The following CPVL variants were observed in gnomAD, a reference collection of about 807,000 sequenced individuals.
CPVL encodes probable serine carboxypeptidase CPVL.
Under a neutral mutation model 63.7 loss-of-function variants are expected in CPVL, and 51 were observed. That is an observed-to-expected ratio of 0.80 (90% CI 0.64 to 1.01). CPVL has a LOEUF of 1.01. Ranked by LOEUF, CPVL falls within the 50% of genes least tolerant of loss-of-function variation. The probability of loss-of-function intolerance (pLI) is 0.00; values close to 1 mark genes in which losing one functional copy is unlikely to be tolerated. For missense variants in CPVL, 530 were observed against 573.1 expected, an observed-to-expected ratio of 0.92 and a Z score of 0.77; for synonymous variants, 195 against 206.0, an observed-to-expected ratio of 0.95 and a Z score of 0.46.
Position 28,995,691 on chromosome 7 carries a change from T to C in CPVL, c.*81A>G. 1 of 828,074 alleles carries C rather than the reference T, an allele frequency of 1.2e-6. No homozygotes were observed. The allele number at this position is 828,074 out of a possible 1,614,324, so 51.3% of individuals were successfully genotyped here. A position where few individuals can be genotyped will look rare whatever the true frequency, so the allele number is the denominator to read the frequency against. On this transcript the variant is annotated 3_prime_UTR_variant, in exon 13 of 13. Coordinates refer to ENST00000265394, the MANE Select transcript of CPVL (RefSeq NM_031311.5). The stretch of plus-strand genomic sequence containing the variant: ...CTTGCAGATATGAAAAGATAATTTT[T>C]TTATTCCTATGACATTTTCTGTTTT...
chr7:29,072,538 A>C (rs893145475), intron 7 of CPVL, 115 bp from the exon 8 acceptor site: 1 of 1,178,478 alleles, frequency 8.5e-7, no homozygotes, highest in Non-Finnish European at 1.2e-6. Context: ...GAGGTATACC[A>C]TCTGTTTCTT....
intron 11 of CPVL, among the ~76,000 whole-genome samples, chr7:29,036,793 CTTG>C (rs1788566934): frequency 6.6e-6 from 1 of 152,116 alleles, no homozygotes; most frequent in Admixed American, 6.6e-5. Context: ...ATAAGACTCT[CTTG>C]TTGTTTTTCT....
intron 12 of CPVL, among the ~76,000 whole-genome samples, chr7:28,997,473 T>C (rs1323193004): frequency 6.6e-6 from 1 of 152,204 alleles, no homozygotes; most frequent in Non-Finnish European, 1.5e-5. Flanking sequence ...TCTTACAACC[T>C]TGACGTGCAG....
chr7:29,074,693 T>C (rs1413668513), intron 7 of CPVL, among the ~76,000 whole-genome samples: 1 of 151,540 alleles, frequency 6.6e-6, no homozygotes, highest in East Asian at 1.9e-4. Flanking sequence ...CGAGAGCTGA[T>C]GGTTTTAAAA....
chr7:29,022,317 A>T (rs1460484059), intron 12 of CPVL, among the ~76,000 whole-genome samples: 1 of 152,206 alleles, frequency 6.6e-6, no homozygotes, highest in East Asian at 1.9e-4. Context: ...GCCCACACGC[A>T]TCATCTGGGA....
chr7:29,194,983 G>A (rs776149402), intron 1 of CPVL: 1 of 1,586,626 alleles, frequency 6.3e-7, no homozygotes, highest in Non-Finnish European at 8.6e-7. Flanking sequence ...GCTCGTCGGT[G>A]TCCTCCGGTG....
intron 1 of CPVL, among the ~76,000 whole-genome samples, chr7:29,190,126 T>C (rs1302411411): frequency 6.6e-6 from 1 of 152,232 alleles, no homozygotes; most frequent in South Asian, 2.1e-4. Context: ...AGCCAATGCG[T>C]TCTCTTTCTC....
At chr7:29,094,932 A>G in intron 5 of CPVL, 152 bp downstream of exon 5, 1 of 647,794 alleles carries the variant, frequency 1.5e-6, no homozygotes, top group Non-Finnish European at 2.6e-6. Context: ...TAACAGAAAA[A>G]CTAAATCTCA....
chr7:29,189,139 C>T (rs545325798), intron 1 of CPVL, among the ~76,000 whole-genome samples: 2 of 151,886 alleles, frequency 1.3e-5, no homozygotes, highest in South Asian at 2.1e-4. Flanking sequence ...TTAGTAGAGA[C>T]GGGGTTTCAC....
At chr7:29,025,740 A>T (rs778179472) in intron 12 of CPVL, among the ~76,000 whole-genome samples, 1 of 152,218 alleles carries the variant, frequency 6.6e-6, no homozygotes, top group African/African-American at 2.4e-5. Flanking sequence ...TGTAAAAAAA[A>T]GTTTTCAATT....
intron 9 of CPVL, among the ~76,000 whole-genome samples, chr7:29,068,201 G>A (rs1337339965): frequency 6.6e-6 from 1 of 151,834 alleles, no homozygotes; most frequent in Non-Finnish European, 1.5e-5. Context: ...ATTTTTAATA[G>A]AGACGGGGTT....
chr7:29,026,234 G>A (rs933640031), intron 12 of CPVL, among the ~76,000 whole-genome samples: 1 of 151,916 alleles, frequency 6.6e-6, no homozygotes, highest in Admixed American at 6.6e-5. Flanking sequence ...AATCAATTAA[G>A]AAATCAAGAA....
chr7:29,140,206 G>A (rs758298107), intron 1 of CPVL, among the ~76,000 whole-genome samples: 29 of 152,148 alleles, frequency 1.9e-4, no homozygotes, highest in Admixed American at 6.5e-4. Context: ...TTAGGAGGCC[G>A]AGGCAGGAGG....
At chr7:29,023,154 C>G (rs1289797123) in intron 12 of CPVL, among the ~76,000 whole-genome samples, 1 of 152,226 alleles carries the variant, frequency 6.6e-6, no homozygotes, top group East Asian at 1.9e-4. Context: ...ACTGCCAGCA[C>G]TTTAGCAAGT....
chr7:29,172,841 AC>A (rs1026398649), intron 5 of CPVL, among the ~76,000 whole-genome samples: 2 of 151,958 alleles, frequency 1.3e-5, no homozygotes, highest in Non-Finnish European at 2.9e-5. Context: ...CTTTTCTGCC[AC>A]TTAAAAATGC....
chr7:29,123,791 T>C lies in CPVL; in HGVS notation c.-10-2720A>G, dbSNP rs530522493. On this transcript the variant is annotated intron_variant, in intron 1 of 12. Transcript: ENST00000265394. The stretch of plus-strand genomic sequence containing the variant: ...AATCTTCCTGCTGCCAATCCCTAGC[T>C]CCCTTTAATGGAAGCCATTAATATT... Among the ~76,000 whole-genome samples the C allele has an allele frequency of 2.0e-5, 3 of 149,716 alleles. No homozygotes were observed. The East Asian group carries it at 5.9e-4, about 29-fold the overall frequency.
intron 11 of CPVL, among the ~76,000 whole-genome samples, chr7:29,056,975 G>C (rs888382656): frequency 5.9e-5 from 7 of 119,342 alleles, no homozygotes; most frequent in Admixed American, 1.1e-4. Flanking sequence ...TTTTGAGACA[G>C]GGTCTCACTC....
At chr7:29,023,387 A>T (rs1003749794) in intron 12 of CPVL, among the ~76,000 whole-genome samples, 2 of 152,148 alleles carry the variant, frequency 1.3e-5, no homozygotes, top group Admixed American at 1.3e-4. Flanking sequence ...AAACCATCAG[A>T]TCTCACAAGA....
chr7:29,017,715 C>G (rs1252401445), intron 12 of CPVL, among the ~76,000 whole-genome samples: 1 of 152,250 alleles, frequency 6.6e-6, no homozygotes, highest in African/African-American at 2.4e-5. Context: ...GGATTCAGAG[C>G]TAACACTAGA....
Sources: gnomAD v4.1 joint callset for allele counts (sites outside exome capture counted in the v4.1 genomes callset) on GRCh38, gnomAD v4.1.1 for gene constraint, MANE v1.5 for transcripts, NCBI Gene and HGNC (gene_info 2026-07-23, HGNC 2026-07-21) for gene names.